Variants in IGHMBP2 observed in about 807,000 individuals in gnomAD.
IGHMBP2 encodes the protein DNA-binding protein SMUBP-2.
IGHMBP2 carries 81 observed loss-of-function variants against 96.0 expected under a neutral mutation model. The observed-to-expected ratio is 0.84, with a 90% confidence interval of 0.71 to 1.01. The LOEUF is 1.01. Ranked by LOEUF, IGHMBP2 falls within the 50% of genes least tolerant of loss-of-function variation. The pLI is 0.00. For synonymous variants in IGHMBP2, 557 were observed against 548.9 expected (o/e 1.01, Z -0.21); for missense variants, 1,227 against 1,306.3 (o/e 0.94, Z 0.94).
chr11:68,936,270 TC>T lies in IGHMBP2; in HGVS notation c.1791del (p.Asn598ThrfsTer26). On this transcript the variant is annotated frameshift_variant, in exon 13 of 15. Transcript: ENST00000255078. LOFTEE classifies it high-confidence loss of function. ...EVGFLAEDRR[I>X]NVAVTRARRH... ...GGTTTTCTTGCTGAGGACCGGAGGATCAACGTGGCTGTCACCCGTGCCCGAC... is the reference window on the plus strand; with the variant it reads ...GGTTTTCTTGCTGAGGACCGGAGGATAACGTGGCTGTCACCCGTGCCCGAC... 6.2e-7 allele frequency: 1 copy of T among 1,614,150 alleles called. No homozygotes were observed.
chr11:68,934,226 T>C (rs1305460189), intron 10 of IGHMBP2: 6 of 627,786 alleles, frequency 9.6e-6, no homozygotes, highest in Non-Finnish European at 1.7e-5. Context: ...CAGTTCCACG[T>C]TGAACAGGAT....
chr11:68,940,280 T>C lies in IGHMBP2; in HGVS notation c.*549T>C. 6.4e-6 allele frequency: 1 copy of C among 155,742 alleles called. No individual in the cohort carries two copies. Among genetic ancestry groups the C allele is most frequent in the Non-Finnish European group, 1.4e-5 (1 of 70,234 alleles). 9.6% of individuals were successfully genotyped at this position (155,742 alleles called of 1,614,324 possible). ...TTCCCCCTCCTCCTCACCACGGGGC[T>C]CCTGTGAGTCTGGGGGGCACCTCTT... On this transcript the variant is annotated 3_prime_UTR_variant, in exon 15 of 15. Transcript: ENST00000255078.
chr11:68,908,841 G>A (rs2154006751), intron 4 of IGHMBP2, among the ~76,000 whole-genome samples: 1 of 130,206 alleles, frequency 7.7e-6, no homozygotes, highest in Admixed American at 9.1e-5. Context: ...GTTCCATTGA[G>A]GTTTTTTTTT....
chr11:68,908,275 C>A lies in IGHMBP2; in HGVS notation c.387C>A (p.Asp129Glu). Residue 129 changes from aspartate to glutamate, a missense_variant, in exon 3 of 15, where the codon GAC (aspartate) becomes GAA (glutamate). Transcript: ENST00000255078. ...CCCACGATTTCCAGTTGAGCTTGGA[C>A]CGAGAGAATTCCTACAGACTGTTAA... ...DESHDFQLSL[D>E]RENSYRLLKL... is the part of the protein sequence containing the mutation. 1.2e-6 allele frequency: 2 copies of A among 1,614,062 alleles called. No homozygotes were observed. The highest frequency in any genetic ancestry group is 1.7e-6 in the Non-Finnish European group (2 of 1,180,010).
At chr11:68,919,187 C>CTGCCCG (rs1555245050) in intron 7 of IGHMBP2, among the ~76,000 whole-genome samples, 2 of 147,232 alleles carry the variant, frequency 1.4e-5, no homozygotes, top group Non-Finnish European at 3.0e-5. Flanking sequence ...CTCCCCTCCC[C>CTGCCCG]TCCCCGTCCC....
chr11:68,914,188 G>A (rs904819926), intron 5 of IGHMBP2, among the ~76,000 whole-genome samples: 1 of 152,122 alleles, frequency 6.6e-6, no homozygotes, highest in African/African-American at 2.4e-5. Context: ...ACAGCAGATG[G>A]TCAATTTCTC....
intron 7 of IGHMBP2, among the ~76,000 whole-genome samples, chr11:68,921,221 G>T (rs1255326245): frequency 1.4e-5 from 2 of 148,120 alleles, no homozygotes; most frequent in Non-Finnish European, 3.0e-5. Flanking sequence ...TATGCCCCAT[G>T]ATTGAAGATT....
intron 7 of IGHMBP2, among the ~76,000 whole-genome samples, chr11:68,924,699 T>C (rs1858999512): frequency 6.6e-6 from 1 of 152,210 alleles, no homozygotes; most frequent in Admixed American, 6.5e-5. Context: ...TGGGTTATCG[T>C]CTTATGTAAT....
chr11:68,939,866 G>C lies in IGHMBP2; in HGVS notation c.*135G>C. 1 of 972,350 alleles carries C rather than the reference G, an allele frequency of 1.0e-6. No homozygotes were observed. The highest frequency in any genetic ancestry group is 1.5e-6 in the Non-Finnish European group (1 of 662,330). The allele number at this position is 972,350 out of a possible 1,614,324, so 60.2% of individuals were successfully genotyped here. A position where few individuals can be genotyped will look rare whatever the true frequency, so the allele number is the denominator to read the frequency against. On this transcript the variant is annotated 3_prime_UTR_variant, in exon 15 of 15. Coordinates refer to ENST00000255078, the MANE Select transcript of IGHMBP2 (RefSeq NM_002180.3). The stretch of plus-strand genomic sequence containing the variant: ...GGGAGGAGCGGAGGGCCCTGTTGGG[G>C]AAGGTTGGGTTTTTGGACCCCAGGG...
chr11:68,916,444 G>A (rs1024764045), intron 6 of IGHMBP2, among the ~76,000 whole-genome samples: 1 of 152,136 alleles, frequency 6.6e-6, no homozygotes, highest in Admixed American at 6.5e-5. Flanking sequence ...TCCCGTGGAC[G>A]CTTTGTTGTA....
At chr11:68,911,391 A>C in intron 4 of IGHMBP2, 49 bp from the exon 5 acceptor site, 1 of 1,598,410 alleles carries the variant, frequency 6.3e-7, no homozygotes, top group Non-Finnish European at 8.6e-7. Flanking sequence ...AGGAACACCC[A>C]CAGAGCTCCC....
Position 68,927,957 on chromosome 11 carries a change from C to A in IGHMBP2, c.1061-1226C>A, listed in dbSNP as rs986889825. Among the ~76,000 whole-genome samples the A allele has an allele frequency of 2.2e-4, 33 of 152,232 alleles. 1 individual carries two copies. Among genetic ancestry groups the A allele is most frequent in the Non-Finnish European group, 7.3e-5 (5 of 68,054 alleles). ...GGCAGGTTTCAGTGCCACCGAGCTC[C>A]CGTGCTGACGGGGATTCAGATGCTT... On this transcript the variant is annotated intron_variant, in intron 7 of 14. Coordinates refer to ENST00000255078, the MANE Select transcript of IGHMBP2 (RefSeq NM_002180.3).
At chr11:68,910,978 CA>C (rs1441894503) in intron 4 of IGHMBP2, among the ~76,000 whole-genome samples, 8 of 151,614 alleles carry the variant, frequency 5.3e-5, no homozygotes, top group Admixed American at 2.6e-4. Context: ...TTGTTTTTGT[CA>C]TTTGTCTTTA....
rs1859677279 is a variant in IGHMBP2 at position 68,939,665 on chromosome 11, G to T, written c.2916G>T (p.Arg972Ser). 2 of 1,613,200 alleles carry T rather than the reference G, an allele frequency of 1.2e-6. No homozygotes were observed. Among genetic ancestry groups the T allele is most frequent in the Non-Finnish European group, 1.7e-6 (2 of 1,179,850 alleles). Residue 972 changes from arginine to serine, a missense_variant, in exon 15 of 15, where the codon AGG becomes AGT. Around this residue, in one of 3 missense-constraint regions of IGHMBP2, gnomAD observed 703 missense variants for 770.3 expected, o/e 0.91. Coordinates refer to ENST00000255078, the MANE Select transcript of IGHMBP2 (RefSeq NM_002180.3). ...DPAKRAQLQR[R>S]LDKKLSELSN... ...CCAAGAGGGCCCAGCTGCAGAGGAG[G>T]CTGGATAAGAAGCTGAGTGAGCTCA...
chr11:68,935,654 C>T (rs369671702), intron 12 of IGHMBP2, among the ~76,000 whole-genome samples: 23 of 152,012 alleles, frequency 1.5e-4, no homozygotes, highest in East Asian at 9.7e-4. Context: ...CAGCTGGGGG[C>T]GCAGGGTGGG....
chr11:68,920,393 C>A (rs1399373067), intron 7 of IGHMBP2, among the ~76,000 whole-genome samples: 1 of 152,228 alleles, frequency 6.6e-6, no homozygotes, highest in Non-Finnish European at 1.5e-5. Context: ...CCATTGCACC[C>A]AGCCCCCACC....
intron 10 of IGHMBP2, 66 bp downstream of exon 10, chr11:68,933,979 G>A (rs1859421940): frequency 1.7e-6 from 2 of 1,177,526 alleles, no homozygotes; most frequent in Admixed American, 4.0e-5. Context: ...AAAAATAAAA[G>A]GCACTTTAAT....
In IGHMBP2 at chr11:68,936,635, G is replaced by A. The variant is rs1191974842; in HGVS notation, c.2155G>A (p.Gly719Arg). The A allele has an allele frequency of 6.2e-6, 10 of 1,613,782 alleles. No homozygotes were observed. Among genetic ancestry groups the A allele is most frequent in the Non-Finnish European group, 8.5e-6 (10 of 1,180,002 alleles). The change falls in exon 13 of 15, where the codon GGA becomes AGA. Residue 719 changes from glycine to arginine, a missense_variant. Transcript: ENST00000255078. Reference sequence around the variant, plus strand: ...CAGCCTCAACGGAGGCAGCCCAGAGGGAGTGGAGAGCCAAGATGGCGTGGA... The same window carrying A: ...CAGCCTCAACGGAGGCAGCCCAGAGAGAGTGGAGAGCCAAGATGGCGTGGA... Reference protein sequence around the residue: ...QPSLNGGSPEGVESQDGVDHF... With the variant: ...QPSLNGGSPERVESQDGVDHF...
At chr11:68,938,102 C>A in intron 13 of IGHMBP2, 80 bp from the exon 14 acceptor site, 1 of 1,485,578 alleles carries the variant, frequency 6.7e-7, no homozygotes, top group Non-Finnish European at 9.4e-7. Flanking sequence ...CCGTGCTTAG[C>A]CATGAATTGA....
Sources: allele counts gnomAD v4.1 joint callset (sites outside exome capture counted in the v4.1 genomes callset), GRCh38; gene constraint gnomAD v4.1.1; regional missense constraint gnomAD v4.1.1; transcripts MANE v1.5; gene names NCBI Gene and HGNC (gene_info 2026-07-23, HGNC 2026-07-21).